Variants in KIF4B observed in about 807,000 individuals in gnomAD.
KIF4B encodes the protein kinesin family member 4B.
KIF4B carries 60 observed loss-of-function variants against 69.0 expected under a neutral mutation model. That is an observed-to-expected ratio of 0.87 (90% CI 0.71 to 1.08). The LOEUF (loss-of-function observed/expected upper bound fraction) is 1.08, where lower values mean the gene tolerates loss of function less well. Ranked by LOEUF, KIF4B falls within the 50% of genes least tolerant of loss-of-function variation. KIF4B has a pLI of 0.00. For missense variants in KIF4B, 1,357 were observed against 1,451.9 expected (o/e 0.93, Z 1.06); for synonymous variants, 489 against 533.0 (o/e 0.92, Z 1.14).
At position 155,015,008 on chromosome 5, in the gene KIF4B, G is replaced by T; in HGVS notation, c.1149G>T (p.Glu383Asp). The change falls in exon 1 of 1, where the codon GAG (glutamate) becomes GAT (aspartate). Residue 383 changes from glutamate (E) to aspartate (D), a missense_variant. By Grantham distance (45) the Glu-to-Asp change is conservative (BLOSUM62 2). Transcript: ENST00000435029. ...LPGSINAEPS[E>D]NLQSLMEKNQ... ...GATCTATAAATGCAGAACCATCAGAGAATCTACAATCCCTGATGGAGAAGA... is the reference window on the plus strand; with the variant it reads ...GATCTATAAATGCAGAACCATCAGATAATCTACAATCCCTGATGGAGAAGA... 1 of 1,614,188 alleles carries T rather than the reference G, an allele frequency of 6.2e-7. No individual in the cohort carries two copies.
rs145983775 is a variant in KIF4B, at chr5:155,015,181, T to C, written c.1322T>C (p.Val441Ala). ...NAKLEELRQH[V>A]ACKLDLQKLV... ...AAGCTAGAAGAGCTCAGGCAGCATG[T>C]GGCCTGCAAGCTGGATCTTCAAAAG... The change falls in exon 1 of 1, where the codon GTG becomes GCG. Residue 441 changes from valine to alanine, a missense_variant. Val to Ala is a moderately conservative substitution (Grantham distance 64, BLOSUM62 0). Coordinates refer to ENST00000435029, the MANE Select transcript of KIF4B (RefSeq NM_001099293.3). 5.6e-6 allele frequency: 9 copies of C among 1,614,238 alleles called. No individual in the cohort carries two copies. The African/African-American group carries it at 9.3e-5, about 17-fold the overall frequency.
rs551299472 is a variant in KIF4B at position 155,015,714 on chromosome 5, C to A, written c.1855C>A (p.Gln619Lys). 6.2e-7 allele frequency: 1 copy of A among 1,614,162 alleles called. No homozygotes were observed. Among genetic ancestry groups the A allele is most frequent in the South Asian group, 1.1e-5 (1 of 91,082 alleles). ...TGATCTGAAGAAGAAACTGAATGAG[C>A]AGTCCAAACTTCTGAAACTAAAGGA... ...IADLKKKLNE[Q>K]SKLLKLKEST... is the part of the protein sequence containing the mutation. The change falls in exon 1 of 1, where the codon CAG becomes AAG. Residue 619 changes from glutamine (Q) to lysine (K), a missense_variant. Coordinates refer to ENST00000435029, the MANE Select transcript of KIF4B (RefSeq NM_001099293.3).
rs368419766 is a variant in KIF4B, at chr5:155,015,011, T to C, written c.1152T>C (p.Asn384=). The change falls in exon 1 of 1, where the codon AAT becomes AAC. Residue 384 remains asparagine, a synonymous_variant. Coordinates refer to ENST00000435029, the MANE Select transcript of KIF4B (RefSeq NM_001099293.3). ...CTATAAATGCAGAACCATCAGAGAATCTACAATCCCTGATGGAGAAGAATC... is the reference window on the plus strand; with the variant it reads ...CTATAAATGCAGAACCATCAGAGAACCTACAATCCCTGATGGAGAAGAATC... ...PGSINAEPSE[N]LQSLMEKNQS... 42 of 1,614,060 alleles carry C rather than the reference T, an allele frequency of 2.6e-5. No homozygotes were observed. Among genetic ancestry groups the C allele is most frequent in the Non-Finnish European group, 3.5e-5 (41 of 1,180,048 alleles).
rs779407047 is a variant in KIF4B at position 155,017,326 on chromosome 5, T to C, written c.3467T>C (p.Phe1156Ser). 3.7e-6 allele frequency: 6 copies of C among 1,614,054 alleles called. No homozygotes were observed. In the East Asian group the frequency reaches 1.3e-4, roughly 36 times the overall value. Reference protein sequence around the residue: ...DPTEVTPGLSFFNPVCATPNS... With the variant: ...DPTEVTPGLSSFNPVCATPNS... ...ACCGAGGTGACCCCAGGATTGAGCT[T>C]CTTTAACCCTGTCTGTGCCACCCCC... Residue 1156 changes from phenylalanine (F) to serine (S), a missense_variant, in exon 1 of 1, where the codon TTC becomes TCC. Phe to Ser is a radical substitution (Grantham distance 155). Transcript: ENST00000435029.
In KIF4B at chr5:155,016,027, A is replaced by G; in HGVS notation, c.2168A>G (p.Glu723Gly). ...RLKDALQKQR[E>G]VTDKRKETQS... ...AAGGATGCTCTCCAGAAACAACGAG[A>G]GGTCACAGATAAGCGGAAAGAGACT... The change falls in exon 1 of 1, where the codon GAG (glutamate) becomes GGG (glycine). Residue 723 changes from glutamate to glycine, a missense_variant. Transcript: ENST00000435029. The G allele has an allele frequency of 6.2e-7, 1 of 1,614,174 alleles. No individual in the cohort carries two copies. Among genetic ancestry groups the G allele is most frequent in the East Asian group, 2.2e-5 (1 of 44,880 alleles).
chr5:155,017,725 G>A lies in KIF4B; in HGVS notation c.*161G>A. 7.7e-7 allele frequency: 1 copy of A among 1,304,936 alleles called. No homozygotes were observed. The highest frequency in any genetic ancestry group is 1.0e-6 in the Non-Finnish European group (1 of 969,722). The allele number at this position is 1,304,936 out of a possible 1,614,324, so 80.8% of individuals were successfully genotyped here. ...AAGAAGGTAACCTTTGTTGGATGTT[G>A]TCCCTCAGTCTCCATCCCCAGACTA... On this transcript the variant is annotated 3_prime_UTR_variant, in exon 1 of 1. Coordinates refer to ENST00000435029, the MANE Select transcript of KIF4B (RefSeq NM_001099293.3).
chr5:155,015,672 C>T lies in KIF4B; in HGVS notation c.1813C>T (p.Leu605=). The T allele has an allele frequency of 6.2e-7, 1 of 1,614,194 alleles. No individual in the cohort carries two copies. ...GCACCGCCACAAACTTCTCCAGGAG[C>T]TGGAGGGTCAAATAGCTGATCTGAA... ...SEHRHKLLQE[L]EGQIADLKKK... Residue 605 remains leucine (L), a synonymous_variant, in exon 1 of 1, where the codon CTG becomes TTG. Transcript: ENST00000435029.
chr5:155,014,028 C>G lies in KIF4B; in HGVS notation c.169C>G (p.Pro57Ala), dbSNP rs1462883784. Reference sequence around the variant, plus strand: ...CTTCACCTACGATTTTGTGTTTGACCCCTGTACTGAGCAGGAAGAAGTCTT... The same window carrying G: ...CTTCACCTACGATTTTGTGTTTGACGCCTGTACTGAGCAGGAAGAAGTCTT... The part of the protein sequence containing the change: ...KSFTYDFVFD[P>A]CTEQEEVFNK... Residue 57 changes from proline to alanine, a missense_variant, in exon 1 of 1, where the codon CCC becomes GCC. Physicochemically the swap from Pro to Ala is conservative, Grantham distance 27. Transcript: ENST00000435029. 1 of 1,614,170 alleles carries G rather than the reference C, an allele frequency of 6.2e-7. No homozygotes were observed. The highest frequency in any genetic ancestry group is 1.1e-5 in the South Asian group (1 of 91,078).
rs747961785 is a variant in KIF4B at position 155,016,653 on chromosome 5, C to T, written c.2794C>T (p.Leu932=). The T allele has an allele frequency of 1.2e-6, 2 of 1,614,200 alleles. No individual in the cohort carries two copies. The highest frequency in any genetic ancestry group is 2.2e-5 in the South Asian group (2 of 91,080). The change falls in exon 1 of 1, where the codon CTA becomes TTA. Residue 932 remains leucine (L), a synonymous_variant. Coordinates refer to ENST00000435029, the MANE Select transcript of KIF4B (RefSeq NM_001099293.3). ...RMEQQHQEKV[L]YLVSQLQESQ... is the part of the protein sequence containing the mutation. ...GGAGCAACAGCACCAAGAGAAGGTG[C>T]TATACCTTGTCAGCCAGCTGCAGGA...
Position 155,016,436 on chromosome 5 carries a change from C to T in KIF4B, c.2577C>T (p.Thr859=). Residue 859 remains threonine, a synonymous_variant, in exon 1 of 1, where the codon ACC becomes ACT. Coordinates refer to ENST00000435029, the MANE Select transcript of KIF4B (RefSeq NM_001099293.3). ...RPKQCWENIA[T]ILEAKCALKY... is the part of the protein sequence containing the mutation. The stretch of plus-strand genomic sequence containing the variant: ...AACAATGCTGGGAGAATATTGCCAC[C>T]ATTCTGGAAGCCAAGTGTGCCCTGA... 1 of 1,614,150 alleles carries T rather than the reference C, an allele frequency of 6.2e-7. No homozygotes were observed. Among genetic ancestry groups the T allele is most frequent in the Non-Finnish European group, 8.5e-7 (1 of 1,180,048 alleles).
In KIF4B at chr5:155,016,964, G is replaced by C; in HGVS notation, c.3105G>C (p.Leu1035=). ...CTTCTCGTGTTAAAGAAAAGTTTCTGGAGCAAAGCATGGACATCGAGGATC... is the reference window on the plus strand; with the variant it reads ...CTTCTCGTGTTAAAGAAAAGTTTCTCGAGCAAAGCATGGACATCGAGGATC... ...PKPSRVKEKF[L]EQSMDIEDLK... The change falls in exon 1 of 1, where the codon CTG becomes CTC. Residue 1035 remains leucine, a synonymous_variant. Coordinates refer to ENST00000435029, the MANE Select transcript of KIF4B (RefSeq NM_001099293.3). The C allele has an allele frequency of 1.9e-6, 3 of 1,614,202 alleles. No individual in the cohort carries two copies. Among genetic ancestry groups the C allele is most frequent in the Non-Finnish European group, 2.5e-6 (3 of 1,180,032 alleles).
At position 155,018,050 on chromosome 5, in the gene KIF4B, T is replaced by C. The variant is rs1765358398; in HGVS notation, c.*486T>C. The C allele has an allele frequency of 5.8e-6, 1 of 171,490 alleles. No individual in the cohort carries two copies. The highest frequency in any genetic ancestry group is 2.0e-4 in the South Asian group (1 of 5,088). 10.6% of individuals were successfully genotyped at this position (171,490 alleles called of 1,614,324 possible). A position where few individuals can be genotyped will look rare whatever the true frequency, so the allele number is the denominator to read the frequency against. On this transcript the variant is annotated 3_prime_UTR_variant, in exon 1 of 1. Transcript: ENST00000435029. ...CTCTGAATTGTAAGTGTTTCAATAG[T>C]ACTCTTGATTGTATGCCATGTTGTT... is the stretch of plus-strand genomic sequence containing the variant.
rs200812701 is a variant in KIF4B, at chr5:155,015,331, C to A, written c.1472C>A (p.Ala491Glu). 8.7e-6 allele frequency: 14 copies of A among 1,614,024 alleles called. No individual in the cohort carries two copies. Among genetic ancestry groups the A allele is most frequent in the Admixed American group, 6.7e-5 (4 of 60,004 alleles). The change falls in exon 1 of 1, where the codon GCG becomes GAG. Residue 491 changes from alanine (A) to glutamate (E), a missense_variant. Ala to Glu is a moderately radical substitution (Grantham distance 107, BLOSUM62 -1). Coordinates refer to ENST00000435029, the MANE Select transcript of KIF4B (RefSeq NM_001099293.3). ...VACTAAAIDT[A>E]VEEEAQVETS... ...TGCACGGCTGCAGCCATTGATACTGCGGTAGAAGAAGAAGCTCAAGTGGAA... is the reference window on the plus strand; with the variant it reads ...TGCACGGCTGCAGCCATTGATACTGAGGTAGAAGAAGAAGCTCAAGTGGAA...
rs1765273256 is a variant in KIF4B, at chr5:155,013,830, T to C, written c.-30T>C. 6.2e-7 allele frequency: 1 copy of C among 1,609,668 alleles called. No homozygotes were observed. Among genetic ancestry groups the C allele is most frequent in the Non-Finnish European group, 8.5e-7 (1 of 1,177,782 alleles). The stretch of plus-strand genomic sequence containing the variant: ...ACCCCGGGTGAACGGGGAAGGGACA[T>C]TTAGTTTGAGACGGTGCTGAGATAG... On this transcript the variant is annotated 5_prime_UTR_variant, in exon 1 of 1. Transcript: ENST00000435029.
chr5:155,015,186 T>C lies in KIF4B; in HGVS notation c.1327T>C (p.Cys443Arg). 1 of 1,614,222 alleles carries C rather than the reference T, an allele frequency of 6.2e-7. No homozygotes were observed. The highest frequency in any genetic ancestry group is 8.5e-7 in the Non-Finnish European group (1 of 1,180,030). ...AGAAGAGCTCAGGCAGCATGTGGCC[T>C]GCAAGCTGGATCTTCAAAAGCTAGT... ...KLEELRQHVA[C>R]KLDLQKLVET... The change falls in exon 1 of 1, where the codon TGC becomes CGC. Residue 443 changes from cysteine (C) to arginine (R), a missense_variant. Cys to Arg is a radical substitution (Grantham distance 180, BLOSUM62 -3). Coordinates refer to ENST00000435029, the MANE Select transcript of KIF4B (RefSeq NM_001099293.3).
In KIF4B at chr5:155,016,011, C is replaced by T. The variant is rs1347346626; in HGVS notation, c.2152C>T (p.Leu718Phe). Residue 718 changes from leucine (L) to phenylalanine (F), a missense_variant, in exon 1 of 1, where the codon CTC becomes TTC. Leu to Phe is a conservative substitution (Grantham distance 22). Transcript: ENST00000435029. Reference protein sequence around the residue: ...AAANKRLKDALQKQREVTDKR... With the variant: ...AAANKRLKDAFQKQREVTDKR... Reference sequence around the variant, plus strand: ...TGCCAACAAGCGACTCAAGGATGCTCTCCAGAAACAACGAGAGGTCACAGA... The same window carrying T: ...TGCCAACAAGCGACTCAAGGATGCTTTCCAGAAACAACGAGAGGTCACAGA... 6.2e-7 allele frequency: 1 copy of T among 1,614,172 alleles called. No individual in the cohort carries two copies. The highest frequency in any genetic ancestry group is 1.1e-5 in the South Asian group (1 of 91,074).
chr5:155,015,459 G>A lies in KIF4B; in HGVS notation c.1600G>A (p.Ala534Thr). The A allele has an allele frequency of 1.9e-6, 3 of 1,614,160 alleles. No homozygotes were observed. Among genetic ancestry groups the A allele is most frequent in the Non-Finnish European group, 2.5e-6 (3 of 1,180,030 alleles). The change falls in exon 1 of 1, where the codon GCA (alanine) becomes ACA (threonine). Residue 534 changes from alanine (A) to threonine (T), a missense_variant. Physicochemically the swap from Ala to Thr is moderately conservative, Grantham distance 58. Coordinates refer to ENST00000435029, the MANE Select transcript of KIF4B (RefSeq NM_001099293.3). ...KEVVELNNAL[A>T]LKEALVRKMT... The stretch of plus-strand genomic sequence containing the variant: ...GGTGGTTGAGTTGAATAACGCCCTT[G>A]CACTGAAAGAGGCCCTAGTTAGGAA...
chr5:155,016,206 G>T lies in KIF4B; in HGVS notation c.2347G>T (p.Glu783Ter), dbSNP rs1290567312. 6.2e-7 allele frequency: 1 copy of T among 1,613,894 alleles called. No homozygotes were observed. Among genetic ancestry groups the T allele is most frequent in the African/African-American group, 1.3e-5 (1 of 74,884 alleles). Residue 783 changes from glutamate (E) to a stop codon, truncating the protein, a stop_gained, in exon 1 of 1, where the codon GAA (glutamate) becomes TAA (stop). Coordinates refer to ENST00000435029, the MANE Select transcript of KIF4B (RefSeq NM_001099293.3). LOFTEE classifies it high-confidence loss of function. ...ILAQDVVQLK[E>*]KKESRENPPP... ...GGCTCAGGATGTGGTTCAACTCAAA[G>T]AAAAAAAGGAATCTCGGGAGAATCC... is the stretch of plus-strand genomic sequence containing the variant.
chr5:155,015,075 C>T lies in KIF4B; in HGVS notation c.1216C>T (p.Leu406=), dbSNP rs1423451106. 6.2e-7 allele frequency: 1 copy of T among 1,614,138 alleles called. No individual in the cohort carries two copies. The highest frequency in any genetic ancestry group is 1.3e-5 in the African/African-American group (1 of 75,032). The change falls in exon 1 of 1, where the codon CTG becomes TTG. Residue 406 remains leucine (L), a synonymous_variant. Coordinates refer to ENST00000435029, the MANE Select transcript of KIF4B (RefSeq NM_001099293.3). ...GGAGAATGAAAAATTAAGTCGTTGT[C>T]TGAGCAAGGCAGCTGGTCAGACAGC... is the stretch of plus-strand genomic sequence containing the variant. ...VEENEKLSRC[L]SKAAGQTAQM...
Sources: gnomAD v4.1 joint callset for allele counts on GRCh38, gnomAD v4.1.1 for gene constraint, MANE v1.5 for transcripts, NCBI Gene and HGNC (gene_info 2026-07-23, HGNC 2026-07-21) for gene names.